Variants in PTCHD4 observed in about 807,000 individuals in gnomAD.
PTCHD4 encodes patched domain-containing protein 4.
In PTCHD4, 33 loss-of-function variants were observed where a neutral mutation model predicts 58.1. That is an observed-to-expected ratio of 0.57 (90% CI 0.43 to 0.76). The LOEUF (loss-of-function observed/expected upper bound fraction) is 0.76, where lower values mean the gene tolerates loss of function less well. Ranked by LOEUF, PTCHD4 falls within the 30% of genes least tolerant of loss-of-function variation. The probability of loss-of-function intolerance (pLI) is 0.00; values close to 1 mark genes in which losing one functional copy is unlikely to be tolerated. For missense variants in PTCHD4, 1,058 were observed against 1,027.1 expected (o/e 1.03, Z -0.41); for synonymous variants, 478 against 409.6 (o/e 1.17, Z -2.02).
At chr6:47,907,793 C>T (rs1764945473) in intron 4 of PTCHD4, among the ~76,000 whole-genome samples, 1 of 152,154 alleles carries the variant, frequency 6.6e-6, no homozygotes, top group Non-Finnish European at 1.5e-5. Flanking sequence ...ACTTCCAATT[C>T]CACCTGTGGC....
In PTCHD4 at chr6:48,067,822, C is replaced by CT. The variant is rs375529758; in HGVS notation, c.417+407dup. Among the ~76,000 whole-genome samples the CT allele has an allele frequency of 3.2e-3, 467 of 146,424 alleles. 4 individuals are homozygous for CT. Among genetic ancestry groups the CT allele is most frequent in the South Asian group, 0.017 (77 of 4,590 alleles). ...AGAAATAACTTTTGTTTTCATTTTT[C>CT]TTTTTTTTTTTATTTTTGGTATTTG... On this transcript the variant is annotated intron_variant, in intron 3 of 4. Coordinates refer to ENST00000339488, the MANE Select transcript of PTCHD4 (RefSeq NM_001384253.1).
intron 1 of PTCHD4, among the ~76,000 whole-genome samples, chr6:48,071,240 A>G (rs1562039497): frequency 6.6e-6 from 1 of 152,218 alleles, no homozygotes; most frequent in Non-Finnish European, 1.5e-5. Flanking sequence ...TCTTCAATAA[A>G]TTTAATAGAA....
At chr6:47,884,491 T>G (rs567557328) in intron 4 of PTCHD4, among the ~76,000 whole-genome samples, 1 of 152,336 alleles carries the variant, frequency 6.6e-6, no homozygotes, top group South Asian at 2.1e-4. Context: ...GATGCACCAG[T>G]GTCCACCCCA....
chr6:47,878,784 C>T lies in PTCHD4; in HGVS notation c.2051G>A (p.Trp684Ter). Residue 684 changes from tryptophan to a stop codon, truncating the protein, a stop_gained, in exon 5 of 5, where the codon TGG becomes TAG. Coordinates refer to ENST00000339488, the MANE Select transcript of PTCHD4 (RefSeq NM_001384253.1). LOFTEE classifies it high-confidence loss of function. Reference protein sequence around the residue: ...FLVIHPLGNFWLILSVTSIEL... With the variant: ...FLVIHPLGNF Reference sequence around the variant, plus strand: ...AATTGAGGTGACGCTAAGAATTAGCCAGAAGTTTCCCAGAGGGTGGATCAC... The same window carrying T: ...AATTGAGGTGACGCTAAGAATTAGCTAGAAGTTTCCCAGAGGGTGGATCAC... 2 of 1,613,572 alleles carry T rather than the reference C, an allele frequency of 1.2e-6. No homozygotes were observed. Among genetic ancestry groups the T allele is most frequent in the East Asian group, 2.2e-5 (1 of 44,834 alleles).
At chr6:47,949,869 T>C (rs948363681) in intron 4 of PTCHD4, among the ~76,000 whole-genome samples, 6 of 151,418 alleles carry the variant, frequency 4.0e-5, no homozygotes, top group Non-Finnish European at 7.4e-5. Context: ...GAACTTGGAT[T>C]GTTTTTTTTT....
chr6:47,898,146 G>A (rs4715053), intron 4 of PTCHD4, among the ~76,000 whole-genome samples: 5 of 151,296 alleles, frequency 3.3e-5, no homozygotes, highest in African/African-American at 9.7e-5. Flanking sequence ...GAGTTTCACC[G>A]TGTTAGCCAG....
intron 4 of PTCHD4, among the ~76,000 whole-genome samples, chr6:47,887,450 T>C (rs1373640403): frequency 1.3e-5 from 2 of 152,166 alleles, no homozygotes; most frequent in Admixed American, 6.5e-5. Context: ...TTGCTGAGTG[T>C]CACCCAGTGA....
intron 1 of PTCHD4, among the ~76,000 whole-genome samples, chr6:48,079,970 A>AT (rs141629864): frequency 0.03 from 2,274 of 75,924 alleles, 508 homozygotes; most frequent in Non-Finnish European, 0.04. Flanking sequence ...CCTTATGATG[A>AT]TTTTTTTTTT....
chr6:48,079,117 CAA>C (rs398001467), intron 1 of PTCHD4, among the ~76,000 whole-genome samples: 1,348 of 73,136 alleles, frequency 0.018, 20 homozygotes, highest in African/African-American at 0.06. Context: ...AATTCCATCA[CAA>C]AAAAAAAAAA....
chr6:48,068,598 G>A lies in PTCHD4; in HGVS notation c.49C>T (p.Arg17Trp). Residue 17 changes from arginine (R) to tryptophan (W), a missense_variant, in exon 3 of 5, where the codon CGG (arginine) becomes TGG (tryptophan). By Grantham distance (101) the Arg-to-Trp change is moderately radical (BLOSUM62 -3). Transcript: ENST00000339488. The surrounding 1 kb of genome is among the most constrained non-coding windows in gnomAD (Gnocchi z 4.2). Reference protein sequence around the residue: ...PASWIWWRMLRQVLRRGLQSF... With the variant: ...PASWIWWRMLWQVLRRGLQSF... ...TGGAGCCCTCTGCGAAGCACCTGCC[G>A]CAGCATCCTCCACCAGATCCAGCTC... is the stretch of plus-strand genomic sequence containing the variant. 8 of 1,577,654 alleles carry A rather than the reference G, an allele frequency of 5.1e-6. No individual in the cohort carries two copies. The highest frequency in any genetic ancestry group is 4.6e-5 in the South Asian group (4 of 87,550).
chr6:48,057,798 C>T (rs1004845576), intron 3 of PTCHD4, among the ~76,000 whole-genome samples: 1 of 152,098 alleles, frequency 6.6e-6, no homozygotes, highest in African/African-American at 2.4e-5. Context: ...TCTCAGTGGC[C>T]ATGGTCAGGA....
At chr6:47,897,741 T>C in intron 4 of PTCHD4, among the ~76,000 whole-genome samples, 2 of 152,164 alleles carry the variant, frequency 1.3e-5, no homozygotes, top group East Asian at 3.9e-4. Flanking sequence ...TTAGCTTCTT[T>C]GATGTATTCT....
At chr6:48,017,628 G>A (rs1159993665) in intron 3 of PTCHD4, among the ~76,000 whole-genome samples, 7 of 152,086 alleles carry the variant, frequency 4.6e-5, no homozygotes, top group Non-Finnish European at 1.5e-5. Context: ...ATTATCTTAG[G>A]CAACTCTTCC....
intron 4 of PTCHD4, among the ~76,000 whole-genome samples, chr6:47,964,393 A>T (rs572232054): frequency 2.0e-5 from 3 of 152,284 alleles, no homozygotes; most frequent in Admixed American, 6.5e-5. Flanking sequence ...CAAGAGCAAG[A>T]CTGGAGAATC....
intron 4 of PTCHD4, among the ~76,000 whole-genome samples, chr6:47,906,781 G>T (rs528354051): frequency 2.8e-4 from 43 of 152,254 alleles, no homozygotes; most frequent in Non-Finnish European, 3.8e-4. Flanking sequence ...GATATAAGGG[G>T]ATTGGCAGTT....
chr6:47,985,014 AAT>A (rs1768008944), intron 4 of PTCHD4, among the ~76,000 whole-genome samples: 1 of 152,122 alleles, frequency 6.6e-6, no homozygotes, highest in Admixed American at 6.6e-5. Context: ...GGGAATTCCA[AAT>A]ATGGGAATTT....
In PTCHD4 at chr6:47,901,488, C is replaced by T. The variant is rs377425487; in HGVS notation, c.899-21552G>A. ...TATAAATTACAGCACATCTAAACTT[C>T]ATCAGTCAGTATTTAGGAAAGTACC... On this transcript the variant is annotated intron_variant, in intron 4 of 4. Coordinates refer to ENST00000339488, the MANE Select transcript of PTCHD4 (RefSeq NM_001384253.1). 23 of 980,268 alleles carry T rather than the reference C, an allele frequency of 2.3e-5. No individual in the cohort carries two copies. In the African/African-American group the frequency reaches 3.3e-4, roughly 14 times the overall value. 60.7% of individuals were successfully genotyped at this position (980,268 alleles called of 1,614,324 possible).
In PTCHD4 at chr6:48,008,806, C is replaced by T. The variant is rs776819536; in HGVS notation, c.726G>A (p.Leu242=). The T allele has an allele frequency of 5.6e-6, 9 of 1,613,968 alleles. No homozygotes were observed. Among genetic ancestry groups the T allele is most frequent in the Non-Finnish European group, 7.6e-6 (9 of 1,179,890 alleles). The change falls in exon 4 of 5, where the codon CTG becomes CTA. Residue 242 remains leucine (L), a synonymous_variant. Transcript: ENST00000339488. ...SKVLVSLVLI[L]TTATLSSSMK... The stretch of plus-strand genomic sequence containing the variant: ...TGGAGCTGGAGAGGGTGGCTGTGGT[C>T]AGGATCAGCACGAGGCTCACCAGGA...
chr6:47,886,996 C>T (rs1764214201), intron 4 of PTCHD4, among the ~76,000 whole-genome samples: 2 of 152,200 alleles, frequency 1.3e-5, no homozygotes, highest in South Asian at 4.1e-4. Context: ...AGTCCAGAAA[C>T]TCTTCACTGG....
Sources: gnomAD v4.1 joint callset for allele counts (sites outside exome capture counted in the v4.1 genomes callset) on GRCh38, gnomAD v4.1.1 for gene constraint, Gnocchi (gnomAD v3.1) non-coding constraint, MANE v1.5 for transcripts, NCBI Gene and HGNC (gene_info 2026-07-23, HGNC 2026-07-21) for gene names.